CDK8: variants seen among roughly 807,000 people sequenced by gnomAD.
The protein encoded by CDK8 is cyclin-dependent kinase 8.
Under a neutral mutation model 71.5 loss-of-function variants are expected in CDK8, and 29 were observed. The observed-to-expected ratio is 0.41, with a 90% CI of 0.30 to 0.55. The LOEUF (loss-of-function observed/expected upper bound fraction) is 0.55, where lower values mean the gene tolerates loss of function less well. Ranked by LOEUF, CDK8 falls within the 20% of genes least tolerant of loss-of-function variation. CDK8 has a pLI of 0.37. For missense variants in CDK8, 288 were observed against 572.6 expected, an observed-to-expected ratio of 0.50 and a Z score of 5.07; for synonymous variants, 161 against 192.1, an observed-to-expected ratio of 0.84 and a Z score of 1.34.
chr13:26,380,811 A>G (rs1477541693), intron 4 of CDK8, among the ~76,000 whole-genome samples: 1 of 152,216 alleles, frequency 6.6e-6, no homozygotes, highest in Non-Finnish European at 1.5e-5. Flanking sequence ...GTCATAAAAC[A>G]TAGCGAAAGC....
At position 26,321,467 on chromosome 13, in the gene CDK8, G is replaced by A. The variant is rs576065601; in HGVS notation, c.129-16100G>A. On this transcript the variant is annotated intron_variant, in intron 1 of 12. Coordinates refer to ENST00000381527, the MANE Select transcript of CDK8 (RefSeq NM_001260.3). ...GTTCTGGAGATGGATGGTGGTGATG[G>A]TTGTACACATTATAAAGGTATTTAA... Among the ~76,000 whole-genome samples, 418 of 152,108 alleles carry A rather than the reference G, an allele frequency of 2.7e-3. 1 individual carries two copies. Among genetic ancestry groups the A allele is most frequent in the African/African-American group, 9.4e-3 (392 of 41,502 alleles).
intron 5 of CDK8, among the ~76,000 whole-genome samples, chr13:26,384,330 C>CTTATCA (rs916063810): frequency 2.6e-5 from 4 of 151,806 alleles, no homozygotes; most frequent in African/African-American, 9.7e-5. Flanking sequence ...TAGAACTAAA[C>CTTATCA]TTATCAAATG....
chr13:26,282,995 G>T (rs1872826856), intron 1 of CDK8, among the ~76,000 whole-genome samples: 1 of 152,168 alleles, frequency 6.6e-6, no homozygotes, highest in African/African-American at 2.4e-5. Flanking sequence ...AAAGAATCCA[G>T]CAGGAAAATA....
chr13:26,293,932 C>G (rs1565960827), intron 1 of CDK8, among the ~76,000 whole-genome samples: 1 of 152,088 alleles, frequency 6.6e-6, no homozygotes, highest in Non-Finnish European at 1.5e-5. Flanking sequence ...CACTCCCCTC[C>G]TCCTCCAGCC....
chr13:26,312,207 A>G (rs1874316117), intron 1 of CDK8, among the ~76,000 whole-genome samples: 1 of 152,180 alleles, frequency 6.6e-6, no homozygotes, highest in African/African-American at 2.4e-5. Context: ...TTGTAAACGC[A>G]CCAATCAGCA....
At chr13:26,373,149 C>T (rs1006763846) in intron 4 of CDK8, among the ~76,000 whole-genome samples, 1 of 152,232 alleles carries the variant, frequency 6.6e-6, no homozygotes, top group African/African-American at 2.4e-5. Context: ...TTAAACGTCA[C>T]CTCAGAGAGA....
At chr13:26,256,941 C>T (rs1871551480) in intron 1 of CDK8, among the ~76,000 whole-genome samples, 1 of 150,678 alleles carries the variant, frequency 6.6e-6, no homozygotes, top group Non-Finnish European at 1.5e-5. Context: ...GGATTTTTTT[C>T]GGTTTGACTT....
chr13:26,353,673 A>T (rs1015249053), intron 3 of CDK8, 67 bp from the exon 4 acceptor site: 3 of 1,282,076 alleles, frequency 2.3e-6, no homozygotes, highest in Admixed American at 4.9e-5. Flanking sequence ...CTGTTAGGAA[A>T]ATATTATACA....
At chr13:26,336,705 C>T (rs1056505272) in intron 1 of CDK8, among the ~76,000 whole-genome samples, 3 of 152,088 alleles carry the variant, frequency 2.0e-5, no homozygotes, top group Non-Finnish European at 4.4e-5. Context: ...AGGCGCCCGC[C>T]ACCACACCCG....
chr13:26,335,156 G>A (rs976521664), intron 1 of CDK8, among the ~76,000 whole-genome samples: 2 of 151,706 alleles, frequency 1.3e-5, no homozygotes, highest in Non-Finnish European at 2.9e-5. Context: ...CTTATTTTTC[G>A]CCTTCAAAGA....
At chr13:26,317,969 G>C (rs1402595675) in intron 1 of CDK8, among the ~76,000 whole-genome samples, 1 of 151,538 alleles carries the variant, frequency 6.6e-6, no homozygotes, top group Non-Finnish European at 1.5e-5. Flanking sequence ...AAAATATATA[G>C]CGAAAATAAT....
chr13:26,267,809 TC>T (rs1872093640), intron 1 of CDK8, among the ~76,000 whole-genome samples: 1 of 152,164 alleles, frequency 6.6e-6, no homozygotes, highest in African/African-American at 2.4e-5. Context: ...AGGTAGAACT[TC>T]CCAGGCTCCC....
chr13:26,342,877 G>A (rs917902787), intron 2 of CDK8, among the ~76,000 whole-genome samples: 5 of 152,186 alleles, frequency 3.3e-5, no homozygotes, highest in African/African-American at 1.2e-4. Context: ...AGTTGTGGAG[G>A]CTAGAAGCCT....
rs116138941 is a variant in CDK8 at position 26,294,227 on chromosome 13, G to A, written c.128+39458G>A. Among the ~76,000 whole-genome samples the A allele has an allele frequency of 8.0e-3, 1,209 of 151,824 alleles. 26 individuals are homozygous for A. The highest frequency in any genetic ancestry group is 0.026 in the African/African-American group (1,088 of 41,330). ...GCTCACTGCAGCCTCAGACTCCTGCGCTCAAGCAGTCTCCCGCCTCAGCCT... is the reference window on the plus strand; with the variant it reads ...GCTCACTGCAGCCTCAGACTCCTGCACTCAAGCAGTCTCCCGCCTCAGCCT... On this transcript the variant is annotated intron_variant, in intron 1 of 12. Coordinates refer to ENST00000381527, the MANE Select transcript of CDK8 (RefSeq NM_001260.3).
intron 1 of CDK8, among the ~76,000 whole-genome samples, chr13:26,267,614 C>T (rs1256786598): frequency 1.3e-5 from 2 of 152,074 alleles, no homozygotes; most frequent in South Asian, 2.1e-4. Flanking sequence ...TTGCTTTTTT[C>T]AGTTCATATG....
intron 1 of CDK8, among the ~76,000 whole-genome samples, chr13:26,335,795 T>C (rs1347095504): frequency 6.6e-6 from 1 of 152,178 alleles, no homozygotes; most frequent in African/African-American, 2.4e-5. Flanking sequence ...TCTCACTGAA[T>C]AATTTTAATA....
At chr13:26,370,364 T>C (rs999343509) in intron 4 of CDK8, among the ~76,000 whole-genome samples, 1 of 152,168 alleles carries the variant, frequency 6.6e-6, no homozygotes, top group African/African-American at 2.4e-5. Context: ...CTTAACAAAA[T>C]TCATCTTATT....
intron 1 of CDK8, among the ~76,000 whole-genome samples, chr13:26,336,548 G>GTATT (rs1872993282): frequency 7.0e-6 from 1 of 142,156 alleles, no homozygotes; most frequent in African/African-American, 2.8e-5. Flanking sequence ...TCTCTGAGGA[G>GTATT]TCTTTTTTTT....
intron 1 of CDK8, among the ~76,000 whole-genome samples, chr13:26,301,867 G>A (rs906354629): frequency 3.3e-5 from 5 of 152,122 alleles, no homozygotes; most frequent in Admixed American, 6.5e-5. Context: ...AATGTGTAAC[G>A]CCATCATTGT....
Sources: allele counts gnomAD v4.1 joint callset (sites outside exome capture counted in the v4.1 genomes callset), GRCh38; gene constraint gnomAD v4.1.1; transcripts MANE v1.5; gene names NCBI Gene and HGNC (gene_info 2026-07-23, HGNC 2026-07-21).